The following POLRMT variants were observed in gnomAD, a reference collection of about 807,000 sequenced individuals.
POLRMT encodes the protein DNA-directed RNA polymerase, mitochondrial.
A neutral mutation model predicts 132.2 loss-of-function variants in POLRMT; 114 were observed. That is an observed-to-expected ratio of 0.86 (90% CI 0.74 to 1.01). The LOEUF (loss-of-function observed/expected upper bound fraction) is 1.01. Ranked by LOEUF, POLRMT falls within the 50% of genes least tolerant of loss-of-function variation. POLRMT has a pLI of 0.00. For missense variants in POLRMT, 2,003 were observed against 1,729.1 expected (o/e 1.16, Z -2.81); for synonymous variants, 1,020 against 773.4 (o/e 1.32, Z -5.29).
intron 12 of POLRMT, 88 bp from the exon 13 acceptor site, chr19:619,853 C>T: frequency 7.0e-6 from 11 of 1,564,494 alleles, no homozygotes; most frequent in South Asian, 1.2e-5. Context: ...GCCCCAGCCC[C>T]ACCACATCCT....
At chr19:619,332 G>A (rs1031499758) in intron 13 of POLRMT, 36 bp from the exon 14 acceptor site, 3 of 1,594,378 alleles carry the variant, frequency 1.9e-6, no homozygotes, top group Non-Finnish European at 8.6e-7. Flanking sequence ...GGTCCTCAGG[G>A]GCTGGCCCGT....
At position 632,264 on chromosome 19, in the gene POLRMT, G is replaced by T. The variant is rs577943220; in HGVS notation, c.193+570C>A. Among the ~76,000 whole-genome samples the T allele has an allele frequency of 3.6e-3, 542 of 152,240 alleles. 7 individuals carry two copies. The highest frequency in any genetic ancestry group is 0.012 in the African/African-American group (517 of 41,550). On this transcript the variant is annotated intron_variant, in intron 2 of 20. Coordinates refer to ENST00000588649, the MANE Select transcript of POLRMT (RefSeq NM_005035.4). ...TTTTTCCCTTTATAAAGGTTCTCCC[G>T]CCTCTCCCTTCCCGGCTGCCTAATG...
At position 619,172 on chromosome 19, in the gene POLRMT, A is replaced by C. The variant is rs759450393; in HGVS notation, c.3153+38T>G. 5 of 1,610,032 alleles carry C rather than the reference A, an allele frequency of 3.1e-6. No individual in the cohort carries two copies. The East Asian group carries it at 1.1e-4, about 36-fold the overall frequency. ...GGCCGGGGATCCCGTCCACTTGCTT[A>C]GGGAGTCCTGGCCGAGCGGGGACAG... On this transcript the variant is annotated intron_variant, in intron 14 of 20. Transcript: ENST00000588649.
intron 10 of POLRMT, among the ~76,000 whole-genome samples, chr19:620,696 G>T (rs532374610): frequency 8.2e-5 from 12 of 145,572 alleles, no homozygotes; most frequent in Admixed American, 2.8e-4. Flanking sequence ...GGACCGGGCT[G>T]AAACAAGCGT....
chr19:620,914 AAGACGGGCAGGGGG>A, intron 10 of POLRMT, 130 bp downstream of exon 10: 1 of 74,796 alleles, frequency 1.3e-5, no homozygotes, highest in South Asian at 3.0e-4. Context: ...GGGGAGGAGG[AAGACGGGCAGGGGG>A]CGCCAGGGGA....
rs571461220 is a variant in POLRMT at position 618,842 on chromosome 19, G to C, written c.3268-82C>G. 4 of 1,479,528 alleles carry C rather than the reference G, an allele frequency of 2.7e-6. 1 individual carries two copies. In the Admixed American group the frequency reaches 5.9e-5, roughly 22 times the overall value. 91.7% of individuals were successfully genotyped at this position (1,479,528 alleles called of 1,614,324 possible). A position where few individuals can be genotyped will look rare whatever the true frequency, so the allele number is the denominator to read the frequency against. On this transcript the variant is annotated intron_variant, in intron 15 of 20. Coordinates refer to ENST00000588649, the MANE Select transcript of POLRMT (RefSeq NM_005035.4). ...ATTGAGGTGGTGGTACACTGGGGTAGTGGCACGCTAGGATGGTGGCACACT... is the reference window on the plus strand; with the variant it reads ...ATTGAGGTGGTGGTACACTGGGGTACTGGCACGCTAGGATGGTGGCACACT...
At chr19:621,954 G>C in intron 9 of POLRMT, 108 bp from the exon 10 acceptor site, 3 of 1,365,886 alleles carry the variant, frequency 2.2e-6, no homozygotes, top group South Asian at 1.4e-5. Flanking sequence ...CAAGAAACCA[G>C]TGTGGCCTCC....
intron 1 of POLRMT, 93 bp from the exon 2 acceptor site, chr19:633,031 C>G (rs1446300864): frequency 1.1e-6 from 1 of 874,748 alleles, no homozygotes; most frequent in Admixed American, 3.5e-5. Flanking sequence ...GGCAAAGGAG[C>G]CCTAAACGCA....
chr19:623,385 C>A, intron 6 of POLRMT, 69 bp downstream of exon 6: 5 of 1,579,394 alleles, frequency 3.2e-6, no homozygotes, highest in Non-Finnish European at 4.3e-6. Context: ...CCCGGCTCAG[C>A]CCGTGCGGTG....
At chr19:625,380 G>A (rs1984953790) in intron 3 of POLRMT, 126 bp from the exon 4 acceptor site, 31 of 1,316,108 alleles carry the variant, frequency 2.4e-5, no homozygotes, top group Non-Finnish European at 3.3e-5. Context: ...GGCAGGAGTG[G>A]CCAGCTGGGC....
Position 622,690 on chromosome 19 carries a change from C to T in POLRMT, c.1518G>A (p.Ala506=), listed in dbSNP as rs775919178. The change falls in exon 8 of 21, where the codon GCG becomes GCA. Residue 506 remains alanine, a synonymous_variant. Transcript: ENST00000588649. ...SFTTLARELS[A]RTFSRHVVQR... is the part of the protein sequence containing the mutation. Reference sequence around the variant, plus strand: ...GCACCACGTGCCGGCTGAAAGTGCGCGCACTCAGCTCCCGGGCCAGGGTGG... The same window carrying T: ...GCACCACGTGCCGGCTGAAAGTGCGTGCACTCAGCTCCCGGGCCAGGGTGG... The T allele has an allele frequency of 3.1e-6, 5 of 1,604,794 alleles. No individual in the cohort carries two copies. The highest frequency in any genetic ancestry group is 4.2e-6 in the Non-Finnish European group (5 of 1,177,006).
intron 2 of POLRMT, 22 bp from the exon 3 acceptor site, chr19:630,190 G>A (rs778436109): frequency 1.3e-6 from 2 of 1,553,858 alleles, no homozygotes; most frequent in Admixed American, 3.7e-5. Context: ...AGAAGGCGAG[G>A]ACATGAGAGG....
chr19:617,882 G>A (rs1396948549), intron 17 of POLRMT, 33 bp from the exon 18 acceptor site: 11 of 1,600,750 alleles, frequency 6.9e-6, no homozygotes, highest in Admixed American at 3.3e-5. Context: ...TGAAGGGAGG[G>A]GAGCTCACAG....
Position 619,804 on chromosome 19 carries a change from C to T in POLRMT, c.2887-39G>A, listed in dbSNP as rs752311939. 30 of 1,550,638 alleles carry T rather than the reference C, an allele frequency of 1.9e-5. 1 individual carries two copies. In the South Asian group the frequency reaches 3.7e-4, roughly 19 times the overall value. On this transcript the variant is annotated intron_variant, in intron 12 of 20. Coordinates refer to ENST00000588649, the MANE Select transcript of POLRMT (RefSeq NM_005035.4). Reference sequence around the variant, plus strand: ...GGGCCGGGGGCGCGGGTCAGCCCCGCTAGCAGCCCAGGGGCCACCAAGCAC... The same window carrying T: ...GGGCCGGGGGCGCGGGTCAGCCCCGTTAGCAGCCCAGGGGCCACCAAGCAC...
chr19:619,576 C>T lies in POLRMT; in HGVS notation c.3066+10G>A, dbSNP rs1044339537. 1.2e-6 allele frequency: 2 copies of T among 1,611,332 alleles called. No individual in the cohort carries two copies. Among genetic ancestry groups the T allele is most frequent in the Non-Finnish European group, 1.7e-6 (2 of 1,179,550 alleles). ...ACCAACGTGTTCGCAGCGCGACATGCCTGGCGCACCTGGGGAAAGTCGCTC... is the reference window on the plus strand; with the variant it reads ...ACCAACGTGTTCGCAGCGCGACATGTCTGGCGCACCTGGGGAAAGTCGCTC... On this transcript the variant is annotated intron_variant, in intron 13 of 20. Transcript: ENST00000588649.
Position 622,691 on chromosome 19 carries a change from G to A in POLRMT, c.1517C>T (p.Ala506Val). 1.2e-6 allele frequency: 2 copies of A among 1,604,542 alleles called. No individual in the cohort carries two copies. Among genetic ancestry groups the A allele is most frequent in the Non-Finnish European group, 1.7e-6 (2 of 1,176,876 alleles). The change falls in exon 8 of 21, where the codon GCG becomes GTG. Residue 506 changes from alanine (A) to valine (V), a missense_variant. Transcript: ENST00000588649. ...SFTTLARELS[A>V]RTFSRHVVQR... ...CACCACGTGCCGGCTGAAAGTGCGC[G>A]CACTCAGCTCCCGGGCCAGGGTGGT...
At chr19:629,296 C>T (rs1260530617) in intron 3 of POLRMT, among the ~76,000 whole-genome samples, 2 of 152,092 alleles carry the variant, frequency 1.3e-5, no homozygotes, top group African/African-American at 2.4e-5. Context: ...GACAGATTCA[C>T]GAGCCCCGAG....
chr19:630,601 C>T (rs1239847848), intron 2 of POLRMT, among the ~76,000 whole-genome samples: 2 of 152,098 alleles, frequency 1.3e-5, no homozygotes, highest in African/African-American at 4.8e-5. Flanking sequence ...AGCTCAGGGC[C>T]TCTGCACAGA....
intron 16 of POLRMT, 55 bp from the exon 17 acceptor site, chr19:618,641 G>T: frequency 1.3e-6 from 2 of 1,597,492 alleles, no homozygotes; most frequent in East Asian, 2.3e-5. Flanking sequence ...CTAACTGGCC[G>T]CTGTCTCCAC....
Sources: gnomAD v4.1 joint callset for allele counts (sites outside exome capture counted in the v4.1 genomes callset) on GRCh38, gnomAD v4.1.1 for gene constraint, MANE v1.5 for transcripts, NCBI Gene and HGNC (gene_info 2026-07-23, HGNC 2026-07-21) for gene names.